Variants in SHC3 observed in about 807,000 individuals in gnomAD.
SHC3 encodes the protein SHC-transforming protein 3.
A neutral mutation model predicts 60.4 loss-of-function variants in SHC3; 15 were observed. The observed-to-expected ratio is 0.25, with a 90% CI of 0.17 to 0.38. SHC3 has a LOEUF of 0.38. Among genes scored for constraint, SHC3 ranks in the 10% least tolerant of loss-of-function variants. SHC3 has a pLI of 1.00. For synonymous variants in SHC3, 294 were observed against 325.9 expected (o/e 0.90, Z 1.05); for missense variants, 677 against 786.1 (o/e 0.86, Z 1.66).
intron 1 of SHC3, among the ~76,000 whole-genome samples, chr9:89,129,686 C>G (rs535951574): frequency 1.3e-5 from 2 of 152,010 alleles, no homozygotes; most frequent in Non-Finnish European, 2.9e-5. Context: ...GAAATAAAAC[C>G]CTTTACAGAA....
At chr9:89,020,273 T>G (rs1587677013) in intron 11 of SHC3, among the ~76,000 whole-genome samples, 6 of 121,520 alleles carry the variant, frequency 4.9e-5, no homozygotes, top group Admixed American at 9.0e-5. Flanking sequence ...GGTTGGAAGG[T>G]GGAAGATAGG....
intron 6 of SHC3, among the ~76,000 whole-genome samples, chr9:89,056,400 C>T (rs1030042677): frequency 6.6e-6 from 1 of 152,136 alleles, no homozygotes; most frequent in East Asian, 1.9e-4. Flanking sequence ...GCACCCACCA[C>T]CACACACAGC....
At chr9:89,023,820 C>T (rs1273216805) in intron 11 of SHC3, among the ~76,000 whole-genome samples, 1 of 152,190 alleles carries the variant, frequency 6.6e-6, no homozygotes, top group Non-Finnish European at 1.5e-5. Flanking sequence ...GACAAGTTAC[C>T]TAACATATCC....
intron 2 of SHC3, among the ~76,000 whole-genome samples, chr9:89,087,175 A>G (rs1825544472): frequency 6.6e-6 from 1 of 152,194 alleles, no homozygotes; most frequent in Non-Finnish European, 1.5e-5. Flanking sequence ...CTATTTTCCA[A>G]TCAAGGAAAC....
At chr9:89,140,732 T>C (rs909049539) in intron 1 of SHC3, among the ~76,000 whole-genome samples, 2 of 152,144 alleles carry the variant, frequency 1.3e-5, no homozygotes, top group African/African-American at 4.8e-5. Flanking sequence ...AAGAGAATTT[T>C]CCCAAAACAG....
intron 1 of SHC3, among the ~76,000 whole-genome samples, chr9:89,126,284 T>C (rs1378344125): frequency 6.6e-6 from 1 of 152,186 alleles, no homozygotes. Flanking sequence ...GATGAGTGAC[T>C]GAACTTGGGT....
rs1826177439 is a variant in SHC3 at position 89,020,305 on chromosome 9, AGGT to A, written c.1657-6733_1657-6731del. The stretch of plus-strand genomic sequence containing the variant: ...TAGGAAGGGTGGGGGTGAGAGGTGA[AGGT>A]GGAGGGTGAGAGGCAGCAGGGCAGG... On this transcript the variant is annotated intron_variant, in intron 11 of 11. Transcript: ENST00000375835. Among the ~76,000 whole-genome samples, 5 of 151,298 alleles carry A rather than the reference AGGT, an allele frequency of 3.3e-5. 1 individual carries two copies. The South Asian group carries it at 1.0e-3, about 32-fold the overall frequency.
Position 89,067,628 on chromosome 9 carries a change from A to G in SHC3, c.784-2048T>C, listed in dbSNP as rs537699061. On this transcript the variant is annotated intron_variant, in intron 5 of 11. Coordinates refer to ENST00000375835, the MANE Select transcript of SHC3 (RefSeq NM_016848.6). ...ATGTACAACTGAAGTTTCTGCTTGAATAGAAGAAATTAGTGGAAGAATTGA... is the reference window on the plus strand; with the variant it reads ...ATGTACAACTGAAGTTTCTGCTTGAGTAGAAGAAATTAGTGGAAGAATTGA... Among the ~76,000 whole-genome samples the G allele has an allele frequency of 6.6e-5, 10 of 152,334 alleles. No homozygotes were observed. In the East Asian group the frequency reaches 1.9e-3, roughly 29 times the overall value.
At chr9:89,116,284 C>T (rs529167401) in intron 1 of SHC3, among the ~76,000 whole-genome samples, 53 of 152,296 alleles carry the variant, frequency 3.5e-4, no homozygotes, top group Non-Finnish European at 6.9e-4. Context: ...TATGTCAACA[C>T]CACAACAAAC....
intron 11 of SHC3, among the ~76,000 whole-genome samples, chr9:89,018,067 G>GTTTGAACTAA (rs1826126434): frequency 6.6e-6 from 1 of 152,184 alleles, no homozygotes; most frequent in Non-Finnish European, 1.5e-5. Flanking sequence ...TTCAAACATT[G>GTTTGAACTAA]TGGAAGACAG....
rs191321464 is a variant in SHC3 at position 89,070,879 on chromosome 9, C to T, written c.783+320G>A. Among the ~76,000 whole-genome samples, 317 of 152,234 alleles carry T rather than the reference C, an allele frequency of 2.1e-3. 4 individuals carry two copies. The highest frequency in any genetic ancestry group is 7.2e-3 in the African/African-American group (298 of 41,532). On this transcript the variant is annotated intron_variant, in intron 5 of 11. Transcript: ENST00000375835. ...AAAAAAACAAAAAGTAGGGCAAGAG[C>T]CGAGTGACAGCGTGAGAAGCCTGTG...
intron 11 of SHC3, among the ~76,000 whole-genome samples, chr9:89,024,405 G>A (rs1364172877): frequency 6.6e-6 from 1 of 152,178 alleles, no homozygotes; most frequent in African/African-American, 2.4e-5. Context: ...AGCCTCCTGA[G>A]TAGCTGGGAC....
intron 1 of SHC3, among the ~76,000 whole-genome samples, chr9:89,128,898 G>C (rs529247095): frequency 1.6e-4 from 24 of 152,262 alleles, no homozygotes; most frequent in African/African-American, 5.5e-4. Context: ...GCTGGACGGA[G>C]AATGACTTAG....
intron 1 of SHC3, among the ~76,000 whole-genome samples, chr9:89,132,476 A>G (rs1826261430): frequency 1.3e-5 from 2 of 152,218 alleles, no homozygotes; most frequent in African/African-American, 2.4e-5. Flanking sequence ...AAAAGAACAA[A>G]GCTGGAGGCA....
intron 2 of SHC3, among the ~76,000 whole-genome samples, chr9:89,097,981 T>C (rs1439940936): frequency 6.6e-6 from 1 of 152,176 alleles, no homozygotes; most frequent in African/African-American, 2.4e-5. Flanking sequence ...AAATAAACCA[T>C]CTTAATTAAA....
chr9:89,115,552 A>C (rs550835661), intron 1 of SHC3, among the ~76,000 whole-genome samples: 10 of 152,316 alleles, frequency 6.6e-5, no homozygotes, highest in Middle Eastern at 6.8e-3. Context: ...GCAATGTCAC[A>C]GTGCCATGTG....
At chr9:89,025,213 C>T (rs1046921347) in intron 11 of SHC3, among the ~76,000 whole-genome samples, 4 of 141,628 alleles carry the variant, frequency 2.8e-5, no homozygotes, top group African/African-American at 5.3e-5. Flanking sequence ...CACACACACA[C>T]GTACGCACAC....
chr9:89,173,427 T>C (rs193058997), intron 1 of SHC3, among the ~76,000 whole-genome samples: 11 of 152,360 alleles, frequency 7.2e-5, no homozygotes, highest in Non-Finnish European at 1.3e-4. Context: ...TGACATATAC[T>C]CAAAGGTAAG....
At chr9:89,040,824 T>G (rs1167742617) in intron 10 of SHC3, among the ~76,000 whole-genome samples, 1 of 152,192 alleles carries the variant, frequency 6.6e-6, no homozygotes, top group African/African-American at 2.4e-5. Context: ...AAAATGGGGG[T>G]CCAGTGTGTC....
Sources: gnomAD v4.1 joint callset for allele counts (sites outside exome capture counted in the v4.1 genomes callset) on GRCh38, gnomAD v4.1.1 for gene constraint, MANE v1.5 for transcripts, NCBI Gene and HGNC (gene_info 2026-07-23, HGNC 2026-07-21) for gene names.